FLVCR1: variants seen among roughly 807,000 people sequenced by gnomAD.
The protein encoded by FLVCR1 is FLVCR choline and heme transporter 1.
FLVCR1 carries 34 observed loss-of-function variants against 53.6 expected under a neutral mutation model. The observed-to-expected ratio is 0.63, with a 90% CI of 0.48 to 0.84. The LOEUF is 0.84. FLVCR1 is among the 40% of genes least tolerant of loss of function. The pLI is 0.00. For missense variants in FLVCR1, 677 were observed against 696.7 expected, an observed-to-expected ratio of 0.97 and a Z score of 0.32; for synonymous variants, 300 against 286.3, an observed-to-expected ratio of 1.05 and a Z score of -0.48.
intron 4 of FLVCR1, among the ~76,000 whole-genome samples, chr1:212,884,641 C>T (rs2102564930): frequency 6.6e-6 from 1 of 152,282 alleles, no homozygotes; most frequent in East Asian, 1.9e-4. Context: ...ACCTCCTTTT[C>T]AGATATCTAT....
At chr1:212,885,547 T>TTTC in intron 5 of FLVCR1, 151 bp downstream of exon 5, 1 of 405,158 alleles carries the variant, frequency 2.5e-6, no homozygotes, top group Non-Finnish European at 4.3e-6. Flanking sequence ...TTAACAAGTG[T>TTTC]TTCTTTTTTT....
chr1:212,893,471 T>C (rs1330500718), intron 8 of FLVCR1, among the ~76,000 whole-genome samples: 1 of 152,208 alleles, frequency 6.6e-6, no homozygotes, highest in East Asian at 1.9e-4. Flanking sequence ...TAAACTTAGC[T>C]GATGAAGCAG....
chr1:212,860,354 T>TTTTTTTTTTTTTTTTTTTTC (rs1664191064), intron 1 of FLVCR1, among the ~76,000 whole-genome samples: 1 of 137,472 alleles, frequency 7.3e-6, no homozygotes, highest in Non-Finnish European at 1.6e-5. Context: ...TGTGTGGTTT[T>TTTTTTTTTTTTTTTTTTTTC]TTTTTTTTTT....
At chr1:212,868,098 T>C (rs10864018) in intron 2 of FLVCR1, among the ~76,000 whole-genome samples, 70,349 of 151,874 alleles carry the variant, frequency 0.46, 17,527 homozygotes, top group Non-Finnish European at 0.56. Context: ...AATTTTACTT[T>C]TAATTCTTTT....
intron 2 of FLVCR1, among the ~76,000 whole-genome samples, chr1:212,871,841 A>G (rs1271577252): frequency 1.3e-5 from 2 of 152,152 alleles, no homozygotes; most frequent in African/African-American, 2.4e-5. Flanking sequence ...AGAAATGGAT[A>G]GCGCTAAAAC....
intron 3 of FLVCR1, among the ~76,000 whole-genome samples, chr1:212,873,453 A>G (rs556858521): frequency 6.6e-6 from 1 of 152,234 alleles, no homozygotes; most frequent in Non-Finnish European, 1.5e-5. Context: ...GCTATCAACA[A>G]TACTTTTCTT....
chr1:212,884,067 G>A lies in FLVCR1; in HGVS notation c.1092+629G>A, dbSNP rs41300021. On this transcript the variant is annotated intron_variant, in intron 4 of 9. Transcript: ENST00000366971. ...TCACGCCTGTAATCCCAGCACTTTG[G>A]AAGGCCGAGGCGGGTGGATCACCTG... Among the ~76,000 whole-genome samples, 677 of 151,988 alleles carry A rather than the reference G, an allele frequency of 4.5e-3. 3 individuals carry two copies. The highest frequency in any genetic ancestry group is 0.016 in the African/African-American group (648 of 41,426).
intron 2 of FLVCR1, among the ~76,000 whole-genome samples, chr1:212,870,901 A>T (rs1664575828): frequency 1.3e-5 from 2 of 152,128 alleles, no homozygotes; most frequent in Admixed American, 1.3e-4. Flanking sequence ...AGTAGCTGTA[A>T]CTACAGGCAT....
intron 1 of FLVCR1, among the ~76,000 whole-genome samples, chr1:212,859,472 C>G (rs549292521): frequency 6.6e-6 from 1 of 152,154 alleles, no homozygotes; most frequent in Non-Finnish European, 1.5e-5. Context: ...AATCCCAGCA[C>G]TTTGGGAGGC....
intron 3 of FLVCR1, among the ~76,000 whole-genome samples, chr1:212,873,646 C>T (rs190457859): frequency 2.4e-4 from 37 of 152,334 alleles, no homozygotes; most frequent in Non-Finnish European, 1.0e-4. Context: ...TGGTTTTCTT[C>T]AGAGTTTTCT....
intron 3 of FLVCR1, among the ~76,000 whole-genome samples, chr1:212,882,279 CATAATAGA>C (rs1664951297): frequency 6.6e-6 from 1 of 152,096 alleles, no homozygotes; most frequent in African/African-American, 2.4e-5. Context: ...AGTATATTAA[CATAATAGA>C]ATACTGTACA....
At chr1:212,869,606 C>G (rs1421313053) in intron 2 of FLVCR1, among the ~76,000 whole-genome samples, 1 of 152,168 alleles carries the variant, frequency 6.6e-6, no homozygotes, top group Non-Finnish European at 1.5e-5. Flanking sequence ...TGCGGTGGTG[C>G]GACCTTGGCT....
intron 1 of FLVCR1, 130 bp from the exon 2 acceptor site, chr1:212,863,595 A>AAAAAGAACAT: frequency 1.1e-6 from 1 of 870,156 alleles, no homozygotes; most frequent in Non-Finnish European, 1.8e-6. Context: ...AAAAAAAAAA[A>AAAAAGAACAT]AGAACATAAT....
intron 6 of FLVCR1, 95 bp downstream of exon 6, chr1:212,888,096 G>A (rs1473722992): frequency 2.6e-6 from 2 of 767,594 alleles, no homozygotes; most frequent in African/African-American, 3.5e-5. Flanking sequence ...TTCATCCAAA[G>A]TTTCTTCAAT....
intron 5 of FLVCR1, 150 bp downstream of exon 5, chr1:212,885,546 G>GTT: frequency 3.1e-5 from 9 of 289,638 alleles, no homozygotes; most frequent in South Asian, 7.8e-5. Context: ...CTTAACAAGT[G>GTT]TTTCTTTTTT....
intron 2 of FLVCR1, among the ~76,000 whole-genome samples, chr1:212,865,778 G>A (rs1024325664): frequency 9.3e-5 from 14 of 150,338 alleles, no homozygotes; most frequent in South Asian, 2.1e-4. Flanking sequence ...CACCAGGCCC[G>A]GCCAGCAATA....
chr1:212,858,346 GC>G lies in FLVCR1; in HGVS notation c.-105del, dbSNP rs1664084136. 1 of 1,098,518 alleles carries G rather than the reference GC, an allele frequency of 9.1e-7. No homozygotes were observed. The highest frequency in any genetic ancestry group is 1.2e-6 in the Non-Finnish European group (1 of 805,768). 68.0% of individuals were successfully genotyped at this position (1,098,518 alleles called of 1,614,324 possible). A position where few individuals can be genotyped will look rare whatever the true frequency, so the allele number is the denominator to read the frequency against. On this transcript the variant is annotated 5_prime_UTR_variant, in exon 1 of 10. Coordinates refer to ENST00000366971, the MANE Select transcript of FLVCR1 (RefSeq NM_014053.4). Reference sequence around the variant, plus strand: ...CGCGCCACCGGGGAAGGAGCGGTGGGCCGAGGGGTTGGAGGTGGGGCCCCAG... The same window carrying G: ...CGCGCCACCGGGGAAGGAGCGGTGGGCGAGGGGTTGGAGGTGGGGCCCCAG...
chr1:212,889,135 T>C lies in FLVCR1; in HGVS notation c.1414-11T>C, dbSNP rs184101744. On this transcript the variant is annotated splice_polypyrimidine_tract_variant and intron_variant, in intron 7 of 9. Coordinates refer to ENST00000366971, the MANE Select transcript of FLVCR1 (RefSeq NM_014053.4). ...ACTTAATAACGAATGATTTTTCTTA[T>C]TGTATTTTAGATATTTGGAATTTTG... 2.0e-6 allele frequency: 3 copies of C among 1,529,128 alleles called. No homozygotes were observed. The highest frequency in any genetic ancestry group is 2.3e-5 in the East Asian group (1 of 44,398). 94.7% of individuals were successfully genotyped at this position (1,529,128 alleles called of 1,614,324 possible). A position where few individuals can be genotyped will look rare whatever the true frequency, so the allele number is the denominator to read the frequency against.
At position 212,872,706 on chromosome 1, in the gene FLVCR1, A is replaced by G; in HGVS notation, c.912A>G (p.Pro304=). ...IAFKEKPRYP[P]SQAQAALQDS... is the part of the protein sequence containing the mutation. ...TCAAAGAAAAACCTCGGTATCCACC[A>G]AGTCAGGCTCAAGCAGCTCTTCAAG... Residue 304 remains proline (P), a synonymous_variant, in exon 3 of 10, where the codon CCA becomes CCG. Coordinates refer to ENST00000366971, the MANE Select transcript of FLVCR1 (RefSeq NM_014053.4). 1 of 1,613,808 alleles carries G rather than the reference A, an allele frequency of 6.2e-7. No individual in the cohort carries two copies. Among genetic ancestry groups the G allele is most frequent in the South Asian group, 1.1e-5 (1 of 91,074 alleles).
Sources: allele counts gnomAD v4.1 joint callset (sites outside exome capture counted in the v4.1 genomes callset), GRCh38; gene constraint gnomAD v4.1.1; transcripts MANE v1.5; gene names NCBI Gene and HGNC (gene_info 2026-07-23, HGNC 2026-07-21).